Variants in POFUT3 observed in about 807,000 individuals in gnomAD.
POFUT3 encodes the protein protein O-fucosyltransferase 3.
chr8:33,369,544 G>A, the POFUT3 span, among the ~76,000 whole-genome samples: 18 of 152,094 alleles, frequency 1.2e-4, no homozygotes, highest in Non-Finnish European at 2.2e-4. Flanking sequence ...CCAGTCTATC[G>A]TATTCTGTTA....
the POFUT3 span, among the ~76,000 whole-genome samples, chr8:33,308,156 A>G: frequency 2.6e-5 from 4 of 152,248 alleles, no homozygotes; most frequent in Non-Finnish European, 4.4e-5. Flanking sequence ...TTGTTATACT[A>G]TGTGTGAAGT....
chr8:33,319,702 T>A, the POFUT3 span, among the ~76,000 whole-genome samples: 6 of 32,230 alleles, frequency 1.9e-4, 1 homozygote, highest in Admixed American at 4.1e-4. Flanking sequence ...TATATATATT[T>A]TATATATATT....
chr8:33,414,529 T>C, the POFUT3 span, among the ~76,000 whole-genome samples: 4 of 152,272 alleles, frequency 2.6e-5, no homozygotes, highest in South Asian at 4.1e-4. Flanking sequence ...CACTCATATC[T>C]TGGAAACATT....
chr8:33,444,933 C>CATTT, the POFUT3 span, among the ~76,000 whole-genome samples: 1 of 121,648 alleles, frequency 8.2e-6, no homozygotes, highest in South Asian at 2.6e-4. Context: ...TGACCTTCAT[C>CATTT]TTTTTTTTTT....
At chr8:33,456,360 T>C in the POFUT3 span, among the ~76,000 whole-genome samples, 1 of 152,082 alleles carries the variant, frequency 6.6e-6, no homozygotes, top group Non-Finnish European at 1.5e-5. Context: ...ATTTATTTTT[T>C]ATTTTTTTAT....
the POFUT3 span, among the ~76,000 whole-genome samples, chr8:33,380,039 C>CTA: frequency 1.8e-5 from 1 of 56,212 alleles, no homozygotes; most frequent in Non-Finnish European, 2.8e-5. Context: ...TATATATATA[C>CTA]GATATATATA....
chr8:33,453,448 T>C, the POFUT3 span: 13 of 1,613,930 alleles, frequency 8.1e-6, no homozygotes, highest in African/African-American at 1.3e-5. Context: ...TTTTTGTATG[T>C]CCATCTTGCA....
chr8:33,405,734 A>G, the POFUT3 span, among the ~76,000 whole-genome samples: 2 of 152,226 alleles, frequency 1.3e-5, no homozygotes, highest in Admixed American at 1.3e-4. Context: ...AGCTCGTGTG[A>G]AGTCTATTAA....
chr8:33,309,138 T>TAAAAAA, the POFUT3 span, among the ~76,000 whole-genome samples: 5 of 41,696 alleles, frequency 1.2e-4, no homozygotes, highest in African/African-American at 1.8e-4. Context: ...CTGGGGAGTG[T>TAAAAAA]AAAAAAAAAA....
chr8:33,445,833 A>G, the POFUT3 span, among the ~76,000 whole-genome samples: 2 of 152,180 alleles, frequency 1.3e-5, no homozygotes, highest in Non-Finnish European at 2.9e-5. Flanking sequence ...GCTTCCTAGG[A>G]AAAGAAACTA....
At chr8:33,342,359 C>G in the POFUT3 span, among the ~76,000 whole-genome samples, 4 of 150,912 alleles carry the variant, frequency 2.7e-5, no homozygotes, top group African/African-American at 7.3e-5. Flanking sequence ...CCTGTCCCCC[C>G]ACAAAAAAAG....
the POFUT3 span, among the ~76,000 whole-genome samples, chr8:33,402,115 A>G: frequency 6.6e-6 from 1 of 152,308 alleles, no homozygotes; most frequent in African/African-American, 2.4e-5. Flanking sequence ...GTAATTGCTG[A>G]TATCTTCAAA....
chr8:33,321,328 G>A, the POFUT3 span, among the ~76,000 whole-genome samples: 31 of 152,218 alleles, frequency 2.0e-4, no homozygotes, highest in South Asian at 6.0e-3. Context: ...TTGTCACATG[G>A]CACCAGCTAG....
At chr8:33,392,757 G>A in the POFUT3 span, among the ~76,000 whole-genome samples, 3 of 151,728 alleles carry the variant, frequency 2.0e-5, no homozygotes, top group African/African-American at 7.3e-5. Context: ...GCTGAGGTGG[G>A]TGGATCACCT....
the POFUT3 span, among the ~76,000 whole-genome samples, chr8:33,311,311 T>G: frequency 6.6e-6 from 1 of 152,226 alleles, no homozygotes; most frequent in East Asian, 1.9e-4. Flanking sequence ...CACAATCTTA[T>G]GTACAAGAAG....
At chr8:33,308,842 G>A in the POFUT3 span, among the ~76,000 whole-genome samples, 1 of 152,094 alleles carries the variant, frequency 6.6e-6, no homozygotes, top group African/African-American at 2.4e-5. Flanking sequence ...GAAGCTTCAT[G>A]AGACCTCTCC....
At chr8:33,320,994 C>T in the POFUT3 span, among the ~76,000 whole-genome samples, 1 of 152,196 alleles carries the variant, frequency 6.6e-6, no homozygotes, top group Admixed American at 6.5e-5. Context: ...TAGACGCTAG[C>T]TACCACCATC....
chr8:33,331,328 C>CT, the POFUT3 span, among the ~76,000 whole-genome samples: 1 of 149,264 alleles, frequency 6.7e-6, no homozygotes, highest in Non-Finnish European at 1.5e-5. Context: ...GTGTGAAACT[C>CT]TGTCTCAAAA....
At chr8:33,420,848 T>G in the POFUT3 span, among the ~76,000 whole-genome samples, 5 of 151,982 alleles carry the variant, frequency 3.3e-5, no homozygotes, top group South Asian at 8.3e-4. Flanking sequence ...GATGATAGAT[T>G]TGCTAACTAC....
Sources: allele counts gnomAD v4.1 joint callset (sites outside exome capture counted in the v4.1 genomes callset), GRCh38; gene constraint gnomAD v4.1.1; transcripts MANE v1.5; gene names NCBI Gene and HGNC (gene_info 2026-07-23, HGNC 2026-07-21).